Variants in TNS2 observed in about 807,000 individuals in gnomAD.
TNS2 encodes the protein tensin-2.
In TNS2, 77 loss-of-function variants were observed where a neutral mutation model predicts 155.7. That is an observed-to-expected ratio of 0.49 (90% CI 0.41 to 0.60). TNS2 has a LOEUF of 0.60. TNS2 is among the 20% of genes least tolerant of loss of function. The pLI is 0.00. For synonymous variants in TNS2, 726 were observed against 763.9 expected (o/e 0.95, Z 0.82); for missense variants, 1,703 against 1,868.8 (o/e 0.91, Z 1.64).
intron 12 of TNS2, 27 bp downstream of exon 12, chr12:53,057,706 A>G: frequency 6.2e-7 from 1 of 1,613,646 alleles, no homozygotes; most frequent in South Asian, 1.1e-5. Context: ...TGTGCTCCCT[A>G]GGGAGAACCA....
At chr12:53,058,915 C>A in intron 17 of TNS2, 88 bp downstream of exon 17, 1 of 1,567,324 alleles carries the variant, frequency 6.4e-7, no homozygotes, top group Non-Finnish European at 8.7e-7. Context: ...TCCCTCCTCC[C>A]CAGGCAGAGC....
intron 7 of TNS2, 76 bp from the exon 8 acceptor site, chr12:53,055,110 T>C: frequency 6.6e-7 from 1 of 1,510,138 alleles, no homozygotes; most frequent in Non-Finnish European, 9.2e-7. Flanking sequence ...GGAAGATTCT[T>C]ACTTAGGATC....
At chr12:53,061,794 C>G in intron 21 of TNS2, 21 bp from the exon 22 acceptor site, 2 of 1,605,036 alleles carry the variant, frequency 1.2e-6, no homozygotes, top group Non-Finnish European at 1.7e-6. Context: ...TCCCCACTGC[C>G]CGCTACCCCT....
chr12:53,058,037 G>C lies in TNS2; in HGVS notation c.1030G>C (p.Gly344Arg), dbSNP rs1944221606. 1 of 1,614,014 alleles carries C rather than the reference G, an allele frequency of 6.2e-7. No homozygotes were observed. Among genetic ancestry groups the C allele is most frequent in the African/African-American group, 1.3e-5 (1 of 74,928 alleles). The part of the protein sequence containing the change: ...VYTSGVYHIA[G>R]PGPQQLCISL... ...CCTCTCTCCCCACAGTCACATTGCA[G>C]GCCCTGGTCCCCAGCAGCTTTGCAT... is the stretch of plus-strand genomic sequence containing the variant. Residue 344 changes from glycine (G) to arginine (R), a missense_variant, in exon 14 of 29, where the codon GGC (glycine) becomes CGC (arginine). Physicochemically the swap from Gly to Arg is moderately radical, Grantham distance 125. Transcript: ENST00000314250.
At position 53,062,346 on chromosome 12, in the gene TNS2, C is replaced by A. The variant is rs762376287; in HGVS notation, c.3668-30C>A. 3.7e-6 allele frequency: 6 copies of A among 1,613,458 alleles called. No individual in the cohort carries two copies. The African/African-American group carries it at 8.0e-5, about 22-fold the overall frequency. ...GGGAAAGGCGGGGCACCCTGGGCAT[C>A]TCGGGACTTTCCTACCTCCTCTCCC... On this transcript the variant is annotated intron_variant, in intron 23 of 28. Transcript: ENST00000314250.
At position 53,063,570 on chromosome 12, in the gene TNS2, AACCCAGACGG is replaced by A. The variant is rs1282372856; in HGVS notation, c.4070_4079del (p.Asn1357ArgfsTer109). The stretch of plus-strand genomic sequence containing the variant: ...CTTCTTCTCCTTCTGCAGATGGACC[AACCCAGACGG>A]GACCACCTCCAAGTAAGCCTCCCCA... On this transcript the variant is annotated frameshift_variant, in exon 28 of 29. Coordinates refer to ENST00000314250, the MANE Select transcript of TNS2 (RefSeq NM_170754.4). LOFTEE classifies it high-confidence loss of function. This position sits in a 1 kb window ranked among gnomAD's most constrained non-coding sequence, Gnocchi z 5.6. 1.9e-6 allele frequency: 3 copies of A among 1,609,844 alleles called. No homozygotes were observed. Among genetic ancestry groups the A allele is most frequent in the Non-Finnish European group, 2.5e-6 (3 of 1,179,004 alleles).
At chr12:53,047,198 G>GCGGGA (rs1943750875), upstream of TNS2, 1 of 108,774 alleles carries the variant, frequency 9.2e-6, no homozygotes, top group Non-Finnish European at 2.3e-5. Flanking sequence ...CGGGCGCGGG[G>GCGGGA]CGCGGCGGGG....
At position 53,050,087 on chromosome 12, in the gene TNS2, G is replaced by A; in HGVS notation, c.-99G>A. The A allele has an allele frequency of 1.9e-6, 3 of 1,546,422 alleles. No homozygotes were observed. The highest frequency in any genetic ancestry group is 1.4e-5 in the African/African-American group (1 of 72,966). Reference sequence around the variant, plus strand: ...GCCAGACAGCCTACCCTCCGCCCAGGGGAAGCGGCTGCCTCCGCCAGGCCG... The same window carrying A: ...GCCAGACAGCCTACCCTCCGCCCAGAGGAAGCGGCTGCCTCCGCCAGGCCG... On this transcript the variant is annotated 5_prime_UTR_variant, in exon 1 of 29. Coordinates refer to ENST00000314250, the MANE Select transcript of TNS2 (RefSeq NM_170754.4). This position sits in a 1 kb window ranked among gnomAD's most constrained non-coding sequence, Gnocchi z 4.7.
At position 53,060,978 on chromosome 12, in the gene TNS2, C is replaced by T. The variant is rs143332398; in HGVS notation, c.3072C>T (p.Pro1024=). Residue 1024 remains proline, a synonymous_variant, in exon 20 of 29, where the codon CCC becomes CCT. Coordinates refer to ENST00000314250, the MANE Select transcript of TNS2 (RefSeq NM_170754.4). The surrounding 1 kb of genome is among the most constrained non-coding windows in gnomAD (Gnocchi z 6.1). ...HAPWQGPRGP[P]DSPDGSPLTP... ...CCTGGCAAGGCCCTCGAGGCCCCCC[C>T]GACAGCCCAGATGGGTCTCCCCTCA... is the stretch of plus-strand genomic sequence containing the variant. 580 of 1,610,208 alleles carry T rather than the reference C, an allele frequency of 3.6e-4. 3 individuals carry two copies. In the African/African-American group the frequency reaches 6.7e-3, roughly 19 times the overall value.
intron 11 of TNS2, 121 bp downstream of exon 11, chr12:53,057,217 G>A: frequency 8.9e-7 from 1 of 1,123,178 alleles, no homozygotes; most frequent in Non-Finnish European, 1.3e-6. Context: ...GCCAGGTGCT[G>A]AGAATTCAAA....
At chr12:53,057,146 T>C in intron 11 of TNS2, 50 bp downstream of exon 11, 1 of 1,558,782 alleles carries the variant, frequency 6.4e-7, no homozygotes. Flanking sequence ...CCTTCATGGC[T>C]ACCAAGGCCA....
rs777627824 is a variant in TNS2, at chr12:53,062,385, C to T, written c.3677C>T (p.Ser1226Phe). 2 of 1,614,026 alleles carry T rather than the reference C, an allele frequency of 1.2e-6. No individual in the cohort carries two copies. Among genetic ancestry groups the T allele is most frequent in the Non-Finnish European group, 1.7e-6 (2 of 1,179,954 alleles). Residue 1226 changes from serine to phenylalanine, a missense_variant, in exon 24 of 29, where the codon TCC (serine) becomes TTC (phenylalanine). Coordinates refer to ENST00000314250, the MANE Select transcript of TNS2 (RefSeq NM_170754.4). Reference sequence around the variant, plus strand: ...ACCTCCTCTCCCACAGGCAGCCTGTCCGCCTTGGTCTCCCAGCACTCCATC... The same window carrying T: ...ACCTCCTCTCCCACAGGCAGCCTGTTCGCCTTGGTCTCCCAGCACTCCATC... ...CPSEPYFGSL[S>F]ALVSQHSISP...
upstream of TNS2, among the ~76,000 whole-genome samples, chr12:53,048,757 G>C (rs1943816547): frequency 6.6e-6 from 1 of 152,198 alleles, no homozygotes; most frequent in African/African-American, 2.4e-5. Context: ...CCTCGCAAGG[G>C]TCTCAAGTGG....
rs376812483 is a variant in TNS2 at position 53,063,826 on chromosome 12, C to A, written c.4174C>A (p.Pro1392Thr). 38 of 1,614,052 alleles carry A rather than the reference C, an allele frequency of 2.4e-5. No homozygotes were observed. Among genetic ancestry groups the A allele is most frequent in the Non-Finnish European group, 3.2e-5 (38 of 1,180,038 alleles). ...CTTTGCAGAGCTTGACCCAGATCAG[C>A]CTGCTGGCGCCATTGTCACCTTCAT... ...HLFAELDPDQ[P>T]AGAIVTFITK... Residue 1392 changes from proline to threonine, a missense_variant, in exon 29 of 29, where the codon CCT becomes ACT. Pro to Thr is a conservative substitution (Grantham distance 38). Transcript: ENST00000314250. This position sits in a 1 kb window ranked among gnomAD's most constrained non-coding sequence, Gnocchi z 5.6.
intron 2 of TNS2, 139 bp from the exon 3 acceptor site, chr12:53,052,316 C>A: frequency 9.1e-7 from 1 of 1,094,464 alleles, no homozygotes; most frequent in Non-Finnish European, 1.4e-6. Flanking sequence ...CCCTGCTCCT[C>A]TGCCCCAGCC....
Position 53,058,030 on chromosome 12 carries a change from C to G in TNS2, c.1023C>G (p.His341Gln). 1 of 1,614,162 alleles carries G rather than the reference C, an allele frequency of 6.2e-7. No homozygotes were observed. The highest frequency in any genetic ancestry group is 8.5e-7 in the Non-Finnish European group (1 of 1,180,046). Reference protein sequence around the residue: ...MQLVYTSGVYHIAGPGPQQLC... With the variant: ...MQLVYTSGVYQIAGPGPQQLC... Reference sequence around the variant, plus strand: ...GCCTTCTCCTCTCTCCCCACAGTCACATTGCAGGCCCTGGTCCCCAGCAGC... The same window carrying G: ...GCCTTCTCCTCTCTCCCCACAGTCAGATTGCAGGCCCTGGTCCCCAGCAGC... The change falls in exon 14 of 29, where the codon CAC (histidine) becomes CAG (glutamine). Residue 341 changes from histidine (H) to glutamine (Q), a missense_variant. By Grantham distance (24) the His-to-Gln change is conservative. Transcript: ENST00000314250.
chr12:53,055,274 C>A (rs1432064008), intron 8 of TNS2, 38 bp downstream of exon 8: 4 of 1,602,606 alleles, frequency 2.5e-6, no homozygotes, highest in Non-Finnish European at 2.6e-6. Flanking sequence ...TTAAACCAAG[C>A]CACCCCAACC....
Position 53,060,697 on chromosome 12 carries a change from T to G in TNS2, c.2791T>G (p.Ser931Ala), listed in dbSNP as rs763813209. 6.3e-7 allele frequency: 1 copy of G among 1,583,342 alleles called. No homozygotes were observed. The highest frequency in any genetic ancestry group is 8.6e-7 in the Non-Finnish European group (1 of 1,160,468). The part of the protein sequence containing the change: ...KESTRRQDTR[S>A]PTSAPTQRLS... ...CAGCACCCGGCGACAGGACACCAGG[T>G]CCCCCACCTCAGCGCCCACTCAGAG... Residue 931 changes from serine to alanine, a missense_variant, in exon 20 of 29, where the codon TCC (serine) becomes GCC (alanine). Ser to Ala is a moderately conservative substitution (Grantham distance 99). Coordinates refer to ENST00000314250, the MANE Select transcript of TNS2 (RefSeq NM_170754.4). This position sits in a 1 kb window ranked among gnomAD's most constrained non-coding sequence, Gnocchi z 6.1.
At chr12:53,048,265 C>T (rs1943798992), upstream of TNS2, among the ~76,000 whole-genome samples, 2 of 152,198 alleles carry the variant, frequency 1.3e-5, no homozygotes, top group East Asian at 1.9e-4. Context: ...TGCTTGGGCA[C>T]CTCCTTGCTG....
Sources: gnomAD v4.1 joint callset for allele counts (sites outside exome capture counted in the v4.1 genomes callset) on GRCh38, gnomAD v4.1.1 for gene constraint, Gnocchi (gnomAD v3.1) non-coding constraint, MANE v1.5 for transcripts, NCBI Gene and HGNC (gene_info 2026-07-23, HGNC 2026-07-21) for gene names.